The following ATP6V1B1 variants were observed in gnomAD, a reference collection of about 807,000 sequenced individuals.
The protein encoded by ATP6V1B1 is V-type proton ATPase subunit B, kidney isoform.
Under a neutral mutation model 62.1 loss-of-function variants are expected in ATP6V1B1, and 41 were observed. That is an observed-to-expected ratio of 0.66 (90% CI 0.51 to 0.86). ATP6V1B1 has a LOEUF of 0.86. Among genes scored for constraint, ATP6V1B1 ranks in the 40% least tolerant of loss-of-function variants. The pLI, the probability that ATP6V1B1 is intolerant of heterozygous loss-of-function variation, is 0.00. For synonymous variants in ATP6V1B1, 253 were observed against 273.4 expected (o/e 0.93, Z 0.74); for missense variants, 651 against 697.5 (o/e 0.93, Z 0.75).
chr2:70,940,727 T>A lies in ATP6V1B1; in HGVS notation c.119-2931T>A, dbSNP rs1360291616. 3.0e-6 allele frequency: 3 copies of A among 985,226 alleles called. No individual in the cohort carries two copies. The African/African-American group carries it at 5.2e-5, about 17-fold the overall frequency. The allele number at this position is 985,226 out of a possible 1,614,324, so 61.0% of individuals were successfully genotyped here. A position where few individuals can be genotyped will look rare whatever the true frequency, so the allele number is the denominator to read the frequency against. ...CAGGAAGTATGGCTGGTGCTAGGGGTGCAACCCTTTAGGCTGGTCAATGGG... is the reference window on the plus strand; with the variant it reads ...CAGGAAGTATGGCTGGTGCTAGGGGAGCAACCCTTTAGGCTGGTCAATGGG... On this transcript the variant is annotated intron_variant, in intron 1 of 13. Transcript: ENST00000234396.
At chr2:70,953,896 A>G (rs1680374488) in intron 2 of ATP6V1B1, among the ~76,000 whole-genome samples, 2 of 152,154 alleles carry the variant, frequency 1.3e-5, no homozygotes, top group African/African-American at 4.8e-5. Context: ...TTTGAGTTAT[A>G]TTTATTCATG....
In ATP6V1B1 at chr2:70,964,556, G is replaced by T; in HGVS notation, c.1248+14G>T. 1.9e-6 allele frequency: 3 copies of T among 1,613,278 alleles called. No homozygotes were observed. The highest frequency in any genetic ancestry group is 2.5e-6 in the Non-Finnish European group (3 of 1,179,236). ...TCCAACCAGCTGGTAAGGAGAAGAG[G>T]GTCCGGGGGCTGGTAGGTCCTCTAG... On this transcript the variant is annotated intron_variant, in intron 12 of 13. Coordinates refer to ENST00000234396, the MANE Select transcript of ATP6V1B1 (RefSeq NM_001692.4).
At position 70,959,109 on chromosome 2, in the gene ATP6V1B1, G is replaced by A. The variant is rs782235774; in HGVS notation, c.445+14G>A. On this transcript the variant is annotated intron_variant, in intron 5 of 13. Transcript: ENST00000234396. This position sits in a 1 kb window ranked among gnomAD's most constrained non-coding sequence, Gnocchi z 4.2. Reference sequence around the variant, plus strand: ...TGGATATCAATGGTGAGTGACTGGAGGTTCTGGATGGCTTCGGGACCCAGC... The same window carrying A: ...TGGATATCAATGGTGAGTGACTGGAAGTTCTGGATGGCTTCGGGACCCAGC... The A allele has an allele frequency of 1.8e-5, 29 of 1,613,866 alleles. No individual in the cohort carries two copies. Among genetic ancestry groups the A allele is most frequent in the African/African-American group, 5.3e-5 (4 of 74,916 alleles).
At chr2:70,958,545 TG>T in intron 4 of ATP6V1B1, 119 bp downstream of exon 4, 2 of 986,026 alleles carry the variant, frequency 2.0e-6, no homozygotes, top group Non-Finnish European at 3.1e-6. Flanking sequence ...CCTGTCTCTC[TG>T]GTGGGCTCTT....
chr2:70,943,850 C>T, intron 2 of ATP6V1B1, 137 bp downstream of exon 2: 3 of 1,296,628 alleles, frequency 2.3e-6, no homozygotes, highest in Non-Finnish European at 3.2e-6. Context: ...ATCCAGGCAC[C>T]CACTCCCACT....
chr2:70,951,572 T>G (rs550146269), intron 2 of ATP6V1B1, among the ~76,000 whole-genome samples: 1 of 152,282 alleles, frequency 6.6e-6, no homozygotes, highest in East Asian at 1.9e-4. Flanking sequence ...TTCTTTGACA[T>G]TTTTGAAGAA....
chr2:70,955,907 G>A (rs1680421715), intron 2 of ATP6V1B1: 1 of 158,022 alleles, frequency 6.3e-6, no homozygotes, highest in African/African-American at 2.4e-5. Flanking sequence ...TCACAATCTA[G>A]GAAGCTGGCA....
rs1553420350 is a variant in ATP6V1B1 at position 70,962,848 on chromosome 2, A to G, written c.857A>G (p.His286Arg). 1.2e-6 allele frequency: 2 copies of G among 1,614,088 alleles called. No individual in the cohort carries two copies. Among genetic ancestry groups the G allele is most frequent in the Non-Finnish European group, 1.7e-6 (2 of 1,180,036 alleles). Residue 286 changes from histidine (H) to arginine (R), a missense_variant, in exon 9 of 14, where the codon CAT becomes CGT. Physicochemically the swap from His to Arg is conservative, Grantham distance 29 (BLOSUM62 0). Transcript: ENST00000234396. ...AEFLAYQCEKHVLVILTDMSS... is the reference protein window; with the variant it reads ...AEFLAYQCEKRVLVILTDMSS... ...TTCCTTGCCTACCAGTGTGAGAAGC[A>G]TGTGCTGGTCATACTGACGGACATG...
At position 70,963,061 on chromosome 2, in the gene ATP6V1B1, C is replaced by A; in HGVS notation, c.910-101C>A. The A allele has an allele frequency of 6.2e-7, 1 of 1,601,730 alleles. No homozygotes were observed. ...CTCAGCCTGGCCATTCCTCCCCTGC[C>A]CCCCACTCCATTTCTCACAGGGTCA... On this transcript the variant is annotated intron_variant, in intron 9 of 13. Transcript: ENST00000234396. The surrounding 1 kb of genome is among the most constrained non-coding windows in gnomAD (Gnocchi z 4.3).
intron 2 of ATP6V1B1, among the ~76,000 whole-genome samples, chr2:70,952,162 T>C (rs1553418391): frequency 6.6e-6 from 1 of 152,008 alleles, no homozygotes. Flanking sequence ...TATAGAATTG[T>C]ATTAGAAACA....
chr2:70,957,656 G>A (rs1250684313), intron 2 of ATP6V1B1: 2 of 344,338 alleles, frequency 5.8e-6, no homozygotes, highest in Non-Finnish European at 1.1e-5. Flanking sequence ...TAATGGATCT[G>A]CATATGTTAT....
At chr2:70,936,103 G>C (rs772873967) in intron 1 of ATP6V1B1, 31 bp downstream of exon 1, 1 of 1,606,626 alleles carries the variant, frequency 6.2e-7, no homozygotes, top group Admixed American at 1.7e-5. Context: ...GACGGGTGAG[G>C]TCAGGGTGGG....
intron 1 of ATP6V1B1, chr2:70,940,238 C>T: frequency 2.5e-6 from 1 of 407,904 alleles, no homozygotes; most frequent in Non-Finnish European, 3.3e-6. Flanking sequence ...GGGGGAGCAG[C>T]TGTGAAGGAA....
intron 4 of ATP6V1B1, 30 bp from the exon 5 acceptor site, chr2:70,958,988 C>T: frequency 6.2e-7 from 1 of 1,609,126 alleles, no homozygotes; most frequent in Non-Finnish European, 8.5e-7. Context: ...CTAGCCTGAG[C>T]ACCCTGCAAC....
intron 7 of ATP6V1B1, 85 bp downstream of exon 7, chr2:70,961,107 A>T (rs1553420026): frequency 1.7e-5 from 23 of 1,388,668 alleles, no homozygotes; most frequent in Non-Finnish European, 2.3e-5. Flanking sequence ...ACCTGATCTG[A>T]TGGGGAAGCC....
chr2:70,945,570 T>C (rs1183067936), intron 2 of ATP6V1B1, among the ~76,000 whole-genome samples: 1 of 151,838 alleles, frequency 6.6e-6, no homozygotes, highest in Non-Finnish European at 1.5e-5. Context: ...TACATATTCC[T>C]GAGGTACACA....
At position 70,959,828 on chromosome 2, in the gene ATP6V1B1, A is replaced by G; in HGVS notation, c.446-111A>G. The G allele has an allele frequency of 6.4e-7, 1 of 1,552,472 alleles. No homozygotes were observed. Among genetic ancestry groups the G allele is most frequent in the Non-Finnish European group, 8.8e-7 (1 of 1,131,786 alleles). ...AGCACGGCCAGAGCACGTTTCTATC[A>G]TCACAGAAAGTTCCGTCAAACAGGG... On this transcript the variant is annotated intron_variant, in intron 5 of 13. Transcript: ENST00000234396. This position sits in a 1 kb window ranked among gnomAD's most constrained non-coding sequence, Gnocchi z 4.2.
chr2:70,943,607 T>G (rs1553416764), intron 1 of ATP6V1B1, 51 bp from the exon 2 acceptor site: 4 of 1,578,500 alleles, frequency 2.5e-6, no homozygotes, highest in Non-Finnish European at 1.7e-6. Context: ...TCTGTGTGTG[T>G]GAGCAGGGTG....
At chr2:70,944,315 T>C in intron 2 of ATP6V1B1, 1 of 1,023,988 alleles carries the variant, frequency 9.8e-7, no homozygotes, top group Non-Finnish European at 1.3e-6. Context: ...GACAGTATCT[T>C]GAGTCCTGGG....
Sources: gnomAD v4.1 joint callset for allele counts (sites outside exome capture counted in the v4.1 genomes callset) on GRCh38, gnomAD v4.1.1 for gene constraint, Gnocchi (gnomAD v3.1) non-coding constraint, MANE v1.5 for transcripts, NCBI Gene and HGNC (gene_info 2026-07-23, HGNC 2026-07-21) for gene names.